Variants in DCBLD1 observed in about 807,000 individuals in gnomAD.
DCBLD1 encodes discoidin, CUB and LCCL domain containing 1.
In DCBLD1, 57 loss-of-function variants were observed where a neutral mutation model predicts 71.5. The observed-to-expected ratio is 0.80, with a 90% CI of 0.64 to 0.99. DCBLD1 has a LOEUF of 0.99. Among genes scored for constraint, DCBLD1 ranks in the 50% least tolerant of loss-of-function variants. The pLI, the probability that DCBLD1 is intolerant of heterozygous loss-of-function variation, is 0.00. For missense variants in DCBLD1, 891 were observed against 923.5 expected (o/e 0.96, Z 0.46); for synonymous variants, 380 against 363.8 (o/e 1.04, Z -0.51).
chr6:117,500,257 T>C (rs1777609335), intron 1 of DCBLD1, among the ~76,000 whole-genome samples: 1 of 152,220 alleles, frequency 6.6e-6, no homozygotes, highest in African/African-American at 2.4e-5. Context: ...GAAAACTCCA[T>C]AAATAGTCTA....
intron 14 of DCBLD1, among the ~76,000 whole-genome samples, chr6:117,564,326 C>T (rs1779650034): frequency 6.6e-6 from 1 of 152,076 alleles, no homozygotes; most frequent in South Asian, 2.1e-4. Flanking sequence ...GTCAATTCTA[C>T]TTATATAAAT....
chr6:117,485,464 C>T (rs1221323560), intron 1 of DCBLD1, among the ~76,000 whole-genome samples: 1 of 152,222 alleles, frequency 6.6e-6, no homozygotes, highest in Non-Finnish European at 1.5e-5. Context: ...GACATAGGAT[C>T]AGCTGATAGA....
rs568792554 is a variant in DCBLD1, at chr6:117,515,342, C to T, written c.326-4474C>T. 2.6e-5 allele frequency among the ~76,000 whole-genome samples: 4 copies of T among 152,216 alleles called. No homozygotes were observed. The East Asian group carries it at 5.8e-4, about 22-fold the overall frequency. ...TGGCCACCTACAGTTTTCATTAGAA[C>T]TCATTGGAATGCTATAGAAATTTAA... On this transcript the variant is annotated intron_variant, in intron 2 of 14. Transcript: ENST00000338728.
intron 14 of DCBLD1, among the ~76,000 whole-genome samples, chr6:117,565,319 T>C (rs1779674333): frequency 6.6e-6 from 1 of 152,222 alleles, no homozygotes; most frequent in Non-Finnish European, 1.5e-5. Flanking sequence ...CACAGATATG[T>C]AGTTGCTAAA....
chr6:117,522,860 T>G (rs1778430454), intron 4 of DCBLD1, among the ~76,000 whole-genome samples: 1 of 152,072 alleles, frequency 6.6e-6, no homozygotes, highest in Non-Finnish European at 1.5e-5. Flanking sequence ...ACAAACCAAT[T>G]AAGACTTGCT....
chr6:117,552,602 A>G (rs1779446127), downstream of DCBLD1, among the ~76,000 whole-genome samples: 1 of 151,648 alleles, frequency 6.6e-6, no homozygotes, highest in Admixed American at 6.6e-5. Context: ...ACTTTTTTCC[A>G]TTCATTGAGG....
At position 117,545,486 on chromosome 6, in the gene DCBLD1, A is replaced by G. The variant is rs761209044; in HGVS notation, c.1504A>G (p.Lys502Glu). 1 of 1,614,032 alleles carries G rather than the reference A, an allele frequency of 6.2e-7. No homozygotes were observed. The highest frequency in any genetic ancestry group is 8.5e-7 in the Non-Finnish European group (1 of 1,179,972). ...SAEAQKTDCW[K>E]QIKYPFARHQ... Reference sequence around the variant, plus strand: ...TGTTACCTTTATTCCAGACTGTTGGAAGCAGATTAAATATCCCTTTGCCAG... The same window carrying G: ...TGTTACCTTTATTCCAGACTGTTGGGAGCAGATTAAATATCCCTTTGCCAG... The change falls in exon 14 of 15, where the codon AAG (lysine) becomes GAG (glutamate). Residue 502 changes from lysine (K) to glutamate (E), a missense_variant. Coordinates refer to ENST00000338728, the MANE Select transcript of DCBLD1 (RefSeq NM_001366458.2).
intron 1 of DCBLD1, among the ~76,000 whole-genome samples, chr6:117,502,826 G>A (rs1777708190): frequency 6.6e-6 from 1 of 152,206 alleles, no homozygotes. Context: ...CCACCCAGTT[G>A]TGCATGTCCT....
Position 117,548,698 on chromosome 6 carries a change from T to G in DCBLD1, c.*259T>G. Reference sequence around the variant, plus strand: ...AAAATGAAAATTTTCAGATGGCGTTTTCATTCCTCTGACTGATATTGAGCT... The same window carrying G: ...AAAATGAAAATTTTCAGATGGCGTTGTCATTCCTCTGACTGATATTGAGCT... On this transcript the variant is annotated 3_prime_UTR_variant, in exon 15 of 15. Coordinates refer to ENST00000338728, the MANE Select transcript of DCBLD1 (RefSeq NM_001366458.2). 1.4e-6 allele frequency: 2 copies of G among 1,392,354 alleles called. No homozygotes were observed. The highest frequency in any genetic ancestry group is 1.5e-5 in the African/African-American group (1 of 68,810). 86.2% of individuals were successfully genotyped at this position (1,392,354 alleles called of 1,614,324 possible).
At chr6:117,501,359 G>A (rs2114415776) in intron 1 of DCBLD1, among the ~76,000 whole-genome samples, 1 of 152,096 alleles carries the variant, frequency 6.6e-6, no homozygotes, top group East Asian at 1.9e-4. Context: ...TTGTTGAGAC[G>A]GAATCTCACT....
chr6:117,542,528 T>A (rs200986505), intron 11 of DCBLD1, among the ~76,000 whole-genome samples: 1 of 152,132 alleles, frequency 6.6e-6, no homozygotes. Flanking sequence ...TGTCAAAGTG[T>A]CCTTTTTTTA....
At position 117,540,648 on chromosome 6, in the gene DCBLD1, A is replaced by G; in HGVS notation, c.1102-20A>G. 6.2e-7 allele frequency: 1 copy of G among 1,614,064 alleles called. No individual in the cohort carries two copies. Among genetic ancestry groups the G allele is most frequent in the Non-Finnish European group, 8.5e-7 (1 of 1,179,934 alleles). On this transcript the variant is annotated intron_variant, in intron 9 of 14. Coordinates refer to ENST00000338728, the MANE Select transcript of DCBLD1 (RefSeq NM_001366458.2). ...AACTCACTAATAGAATCTTAAGGTA[A>G]ACATAATTTCCTTCTATAGGTGTTT... is the stretch of plus-strand genomic sequence containing the variant.
chr6:117,521,603 G>T (rs745608465), intron 4 of DCBLD1, 27 bp downstream of exon 4: 2 of 1,495,490 alleles, frequency 1.3e-6, no homozygotes, highest in Admixed American at 4.6e-5. Flanking sequence ...TAACTGTGTT[G>T]CAGTCGTGTA....
chr6:117,522,313 G>A (rs1196933491), intron 4 of DCBLD1, among the ~76,000 whole-genome samples: 1 of 152,162 alleles, frequency 6.6e-6, no homozygotes, highest in East Asian at 1.9e-4. Flanking sequence ...TGTCCTAGAT[G>A]TCAGTTGTGA....
At chr6:117,503,387 T>G (rs1777728359) in intron 1 of DCBLD1, among the ~76,000 whole-genome samples, 1 of 152,234 alleles carries the variant, frequency 6.6e-6, no homozygotes, top group African/African-American at 2.4e-5. Context: ...CTAAAGTGAG[T>G]AATATTTTTT....
chr6:117,548,648 G>C lies in DCBLD1; in HGVS notation c.*209G>C. ...GGTTTCGTGCTGACCCTTAGGGTGC[G>C]TCTGTTGGGTTTTGTTGGGCTAGAA... On this transcript the variant is annotated 3_prime_UTR_variant, in exon 15 of 15. Transcript: ENST00000338728. 3 of 1,419,468 alleles carry C rather than the reference G, an allele frequency of 2.1e-6. No individual in the cohort carries two copies. The South Asian group carries it at 4.6e-5, about 22-fold the overall frequency. 87.9% of individuals were successfully genotyped at this position (1,419,468 alleles called of 1,614,324 possible).
intron 1 of DCBLD1, among the ~76,000 whole-genome samples, chr6:117,500,723 C>T (rs572921087): frequency 1.6e-4 from 24 of 152,096 alleles, no homozygotes; most frequent in Non-Finnish European, 2.6e-4. Flanking sequence ...AAAAATTAGC[C>T]GTACGTAAAT....
chr6:117,552,076 C>T (rs970630802), downstream of DCBLD1, among the ~76,000 whole-genome samples: 12 of 152,142 alleles, frequency 7.9e-5, no homozygotes, highest in African/African-American at 2.7e-4. Flanking sequence ...GCCAAGATCA[C>T]GCCACGGCAC....
chr6:117,525,529 A>G, intron 5 of DCBLD1, 95 bp downstream of exon 5: 1 of 908,318 alleles, frequency 1.1e-6, no homozygotes, highest in Admixed American at 3.0e-5. Context: ...AATGAGATAT[A>G]AAACTCTAGA....
Sources: gnomAD v4.1 joint callset for allele counts (sites outside exome capture counted in the v4.1 genomes callset) on GRCh38, gnomAD v4.1.1 for gene constraint, MANE v1.5 for transcripts, NCBI Gene and HGNC (gene_info 2026-07-23, HGNC 2026-07-21) for gene names.